Variants in EFCAB6 observed in about 807,000 individuals in gnomAD.
The protein encoded by EFCAB6 is EF-hand calcium-binding domain-containing protein 6.
A neutral mutation model predicts 169.8 loss-of-function variants in EFCAB6; 156 were observed. The observed-to-expected ratio is 0.92, with a 90% CI of 0.81 to 1.05. The LOEUF (loss-of-function observed/expected upper bound fraction) is 1.05, where lower values mean the gene tolerates loss of function less well. EFCAB6 is among the 50% of genes least tolerant of loss of function. The probability of loss-of-function intolerance (pLI) is 0.00; values close to 1 mark genes in which losing one functional copy is unlikely to be tolerated. For synonymous variants in EFCAB6, 698 were observed against 676.4 expected (o/e 1.03, Z -0.50); for missense variants, 1,800 against 1,829.1 (o/e 0.98, Z 0.29).
At chr22:43,717,085 A>G in intron 8 of EFCAB6, 113 bp from the exon 9 acceptor site, 1 of 1,304,576 alleles carries the variant, frequency 7.7e-7, no homozygotes, top group South Asian at 2.2e-5. Flanking sequence ...TGAATAAACC[A>G]AGAAAATGAT....
intron 17 of EFCAB6, among the ~76,000 whole-genome samples, chr22:43,646,604 T>C (rs2056173742): frequency 6.6e-6 from 1 of 152,200 alleles, no homozygotes; most frequent in Non-Finnish European, 1.5e-5. Context: ...TCTAATTCAG[T>C]AAGGAAATAT....
intron 8 of EFCAB6, among the ~76,000 whole-genome samples, chr22:43,731,364 CA>C (rs1221675255): frequency 1.3e-5 from 2 of 152,130 alleles, no homozygotes; most frequent in African/African-American, 4.8e-5. Context: ...AAATCACAGC[CA>C]GGGGCATCTC....
chr22:43,576,964 C>A (rs577372876), intron 25 of EFCAB6, among the ~76,000 whole-genome samples: 9 of 152,160 alleles, frequency 5.9e-5, no homozygotes, highest in Non-Finnish European at 1.3e-4. Flanking sequence ...AGACAGGAGT[C>A]TGACTTTGGG....
At chr22:43,754,244 A>G (rs146284669) in intron 6 of EFCAB6, among the ~76,000 whole-genome samples, 1 of 152,346 alleles carries the variant, frequency 6.6e-6, no homozygotes, top group Non-Finnish European at 1.5e-5. Flanking sequence ...GCCACACAGC[A>G]GCACGTCAAG....
chr22:43,631,893 C>G (rs535669475), intron 19 of EFCAB6, among the ~76,000 whole-genome samples: 199 of 150,794 alleles, frequency 1.3e-3, no homozygotes, highest in Non-Finnish European at 2.4e-3. Context: ...CTTCTGCCAG[C>G]AAAGTGTCCA....
chr22:43,534,945 C>T (rs4585129), intron 29 of EFCAB6, 73 bp from the exon 30 acceptor site: 229,708 of 1,477,950 alleles, frequency 0.16, 18,982 homozygotes, highest in Non-Finnish European at 0.17. Context: ...TCATTCAACA[C>T]TTGCTGAGAC....
intron 17 of EFCAB6, among the ~76,000 whole-genome samples, chr22:43,647,458 G>T (rs982666374): frequency 6.6e-6 from 1 of 152,194 alleles, no homozygotes; most frequent in Non-Finnish European, 1.5e-5. Context: ...CAGGAACTGG[G>T]AATACAATAG....
rs776262050 is a variant in EFCAB6 at position 43,540,240 on chromosome 22, C to G, written c.3766G>C (p.Ala1256Pro). 1 of 1,614,242 alleles carries G rather than the reference C, an allele frequency of 6.2e-7. No individual in the cohort carries two copies. Among genetic ancestry groups the G allele is most frequent in the South Asian group, 1.1e-5 (1 of 91,086 alleles). Residue 1256 changes from alanine (A) to proline (P), a missense_variant, in exon 28 of 32, where the codon GCC becomes CCC. By Grantham distance (27) the Ala-to-Pro change is conservative. Coordinates refer to ENST00000262726, the MANE Select transcript of EFCAB6 (RefSeq NM_022785.4). ...ACACTGCTCCCTCTCTGGGCCACGG[C>G]CGAGTCACCAGTGGCCATTGGTGTG... Reference protein sequence around the residue: ...AATPMATGDSAVAQRGSSVPD... With the variant: ...AATPMATGDSPVAQRGSSVPD...
At position 43,575,872 on chromosome 22, in the gene EFCAB6, A is replaced by G. The variant is rs544855333; in HGVS notation, c.3420+425T>C. Among the ~76,000 whole-genome samples the G allele has an allele frequency of 3.3e-5, 5 of 152,290 alleles. No homozygotes were observed. The South Asian group carries it at 1.0e-3, about 32-fold the overall frequency. On this transcript the variant is annotated intron_variant, in intron 26 of 31. Transcript: ENST00000262726. ...TGACCTCAACATGATTACACATGTTAATATATATACAAAGGACTAGAAATA... is the reference window on the plus strand; with the variant it reads ...TGACCTCAACATGATTACACATGTTGATATATATACAAAGGACTAGAAATA...
chr22:43,730,883 C>T (rs1209080193), intron 8 of EFCAB6, among the ~76,000 whole-genome samples: 1 of 152,120 alleles, frequency 6.6e-6, no homozygotes, highest in African/African-American at 2.4e-5. Context: ...GAGAATCTGC[C>T]ATTTTTCAGC....
chr22:43,802,350 G>A (rs1030717338), intron 2 of EFCAB6, among the ~76,000 whole-genome samples: 17 of 152,026 alleles, frequency 1.1e-4, no homozygotes, highest in African/African-American at 3.9e-4. Context: ...CCAACATGGC[G>A]AAACCCTATC....
intron 17 of EFCAB6, among the ~76,000 whole-genome samples, chr22:43,664,278 CT>C (rs1401120627): frequency 6.6e-6 from 1 of 152,216 alleles, no homozygotes; most frequent in African/African-American, 2.4e-5. Flanking sequence ...TCATTTAGGG[CT>C]GCACTGGGGA....
intron 10 of EFCAB6, among the ~76,000 whole-genome samples, chr22:43,705,304 A>G (rs2147312933): frequency 6.6e-6 from 1 of 152,266 alleles, no homozygotes; most frequent in South Asian, 2.1e-4. Context: ...CCCACTTTCA[A>G]TAATGGACAG....
chr22:43,534,337 G>A (rs1312973153), intron 30 of EFCAB6, among the ~76,000 whole-genome samples: 2 of 152,152 alleles, frequency 1.3e-5, no homozygotes, highest in African/African-American at 2.4e-5. Context: ...ATGATTGTAA[G>A]TTTCCTGAGG....
chr22:43,772,793 G>A (rs1241422262), intron 4 of EFCAB6, 99 bp downstream of exon 4: 2 of 1,316,830 alleles, frequency 1.5e-6, no homozygotes, highest in African/African-American at 1.5e-5. Context: ...CTGCTCAGTG[G>A]CAACAGTGGG....
intron 26 of EFCAB6, 60 bp downstream of exon 26, chr22:43,576,237 T>A: frequency 6.9e-7 from 1 of 1,455,496 alleles, no homozygotes; most frequent in Non-Finnish European, 9.2e-7. Flanking sequence ...TTATCCATTT[T>A]GTAAAAACTA....
rs147917871 is a variant in EFCAB6, at chr22:43,803,700, G to A, written c.-8+5295C>T. Among the ~76,000 whole-genome samples, 1,356 of 152,004 alleles carry A rather than the reference G, an allele frequency of 8.9e-3. 21 individuals carry two copies. The highest frequency in any genetic ancestry group is 0.032 in the African/African-American group (1,310 of 41,448). On this transcript the variant is annotated intron_variant, in intron 2 of 31. Transcript: ENST00000262726. ...AAACATTACTAGATCTAAAAGGAGA[G>A]ACAGATTGCAATACAATAATATTAG...
At chr22:43,666,297 C>T (rs756225956) in intron 17 of EFCAB6, among the ~76,000 whole-genome samples, 2 of 152,186 alleles carry the variant, frequency 1.3e-5, no homozygotes, top group Non-Finnish European at 2.9e-5. Flanking sequence ...AGCCCTGCTC[C>T]GTCCTCCAGT....
intron 27 of EFCAB6, among the ~76,000 whole-genome samples, chr22:43,551,288 C>T (rs2048362572): frequency 6.6e-6 from 1 of 152,226 alleles, no homozygotes; most frequent in Non-Finnish European, 1.5e-5. Context: ...TGGGCTTTTG[C>T]TGTTGATCAG....
Sources: allele counts gnomAD v4.1 joint callset (sites outside exome capture counted in the v4.1 genomes callset), GRCh38; gene constraint gnomAD v4.1.1; transcripts MANE v1.5; gene names NCBI Gene and HGNC (gene_info 2026-07-23, HGNC 2026-07-21).